SYNGR1: variants seen among roughly 807,000 people sequenced by gnomAD.
The protein encoded by SYNGR1 is synaptogyrin 1.
A neutral mutation model predicts 26.1 loss-of-function variants in SYNGR1; 14 were observed. The ratio of observed to expected loss-of-function variants is 0.54; its 90% CI spans 0.35 to 0.84. The LOEUF is 0.84. SYNGR1 is among the 40% of genes least tolerant of loss of function. The pLI, the probability that SYNGR1 is intolerant of heterozygous loss-of-function variation, is 0.01. For missense variants in SYNGR1, 319 were observed against 332.9 expected (o/e 0.96, Z 0.33); for synonymous variants, 141 against 150.1 (o/e 0.94, Z 0.44).
chr22:39,362,347 C>T (rs369763328), intron 1 of SYNGR1, among the ~76,000 whole-genome samples: 43 of 152,152 alleles, frequency 2.8e-4, no homozygotes, highest in Admixed American at 9.8e-4. Context: ...GCACTCGGGG[C>T]GACAGCTTGC....
chr22:39,377,450 G>C, intron 3 of SYNGR1: 1 of 1,513,336 alleles, frequency 6.6e-7, no homozygotes, highest in Non-Finnish European at 8.8e-7. Context: ...TTTAGGGGCG[G>C]GGCTCACAGA....
intron 1 of SYNGR1, 49 bp from the exon 2 acceptor site, chr22:39,374,267 G>T: frequency 6.3e-7 from 1 of 1,581,122 alleles, no homozygotes; most frequent in Non-Finnish European, 8.7e-7. Flanking sequence ...CCTGGGTGGT[G>T]TGAGGCAGGG....
At chr22:39,358,487 ACACT>A (rs1569175167) in intron 1 of SYNGR1, among the ~76,000 whole-genome samples, 1 of 152,158 alleles carries the variant, frequency 6.6e-6, no homozygotes, top group East Asian at 1.9e-4. Context: ...ATGAGCTGTA[ACACT>A]CACCGCGAAG....
At position 39,377,157 on chromosome 22, in the gene SYNGR1, C is replaced by T. The variant is rs914697517; in HGVS notation, c.483+960C>T. The T allele has an allele frequency of 1.7e-5, 25 of 1,476,048 alleles. No individual in the cohort carries two copies. In the African/African-American group the frequency reaches 2.3e-4, roughly 13 times the overall value. The allele number at this position is 1,476,048 out of a possible 1,614,324, so 91.4% of individuals were successfully genotyped here. ...TTGAGGCTACATACAGGCCGCCAGCCGTCCCTGTTTCCCCCATCCTTCTGG... is the reference window on the plus strand; with the variant it reads ...TTGAGGCTACATACAGGCCGCCAGCTGTCCCTGTTTCCCCCATCCTTCTGG... On this transcript the variant is annotated intron_variant, in intron 3 of 3. Transcript: ENST00000328933.
rs147094204 is a variant in SYNGR1, at chr22:39,364,960, GA to G, written c.100-9349del. ...TCGGGATTGGATTTTAAAGAGGGCG[GA>G]AAAAAACCAAAGAGGCTTGGCAGGT... On this transcript the variant is annotated intron_variant, in intron 1 of 3. Transcript: ENST00000328933. 6.8e-3 allele frequency among the ~76,000 whole-genome samples: 1,041 copies of G among 152,238 alleles called. 19 individuals are homozygous for G. The highest frequency in any genetic ancestry group is 0.024 in the African/African-American group (1,001 of 41,542).
chr22:39,358,044 G>A (rs1924256731), intron 1 of SYNGR1, among the ~76,000 whole-genome samples: 1 of 152,272 alleles, frequency 6.6e-6, no homozygotes, highest in African/African-American at 2.4e-5. Flanking sequence ...GATCCACTAG[G>A]TGAAGCCAGC....
In SYNGR1 at chr22:39,383,818, CAG is replaced by C. The variant is rs796590930; in HGVS notation, c.*1906_*1907del. 11 of 152,400 alleles carry C rather than the reference CAG, an allele frequency of 7.2e-5. No homozygotes were observed. Among genetic ancestry groups the C allele is most frequent in the African/African-American group, 2.4e-4 (10 of 41,548 alleles). The allele number at this position is 152,400 out of a possible 1,614,324, so 9.4% of individuals were successfully genotyped here. On this transcript the variant is annotated 3_prime_UTR_variant, in exon 4 of 4. Coordinates refer to ENST00000328933, the MANE Select transcript of SYNGR1 (RefSeq NM_004711.5). ...AAGTAGCACCATTATCCCCATTTAA[CAG>C]AAGGGAAACTGAGGCTCGGCAAGCA...
Position 39,350,141 on chromosome 22 carries a change from G to A in SYNGR1, c.99+32G>A. 7.3e-7 allele frequency: 1 copy of A among 1,372,696 alleles called. No individual in the cohort carries two copies. 85.0% of individuals were successfully genotyped at this position (1,372,696 alleles called of 1,614,324 possible). On this transcript the variant is annotated intron_variant, in intron 1 of 3. Transcript: ENST00000328933. This position sits in a 1 kb window ranked among gnomAD's most constrained non-coding sequence, Gnocchi z 4.3. ...ACGGACTGGCCGACGGCTCTGCCAG[G>A]CCGGGGTGGTGGGGGTGTGAGCAAA...
chr22:39,365,227 C>T (rs1419298625), intron 1 of SYNGR1, among the ~76,000 whole-genome samples: 1 of 152,112 alleles, frequency 6.6e-6, no homozygotes, highest in Non-Finnish European at 1.5e-5. Flanking sequence ...GTTTCATTTC[C>T]GGTTCTCCAG....
chr22:39,354,684 CA>C (rs1365526022), intron 1 of SYNGR1, among the ~76,000 whole-genome samples: 7 of 152,034 alleles, frequency 4.6e-5, no homozygotes, highest in Non-Finnish European at 1.0e-4. Context: ...TACTAAAATA[CA>C]AAAATTAGCT....
At chr22:39,381,577 T>C in intron 3 of SYNGR1, 119 bp from the exon 4 acceptor site, 1 of 1,037,680 alleles carries the variant, frequency 9.6e-7, no homozygotes, top group Non-Finnish European at 1.5e-6. Flanking sequence ...TTTGAGGATC[T>C]TTAACCCTCT....
intron 3 of SYNGR1, chr22:39,377,173 A>G (rs1006308357): frequency 2.1e-6 from 3 of 1,460,860 alleles, no homozygotes; most frequent in African/African-American, 1.4e-5. Flanking sequence ...TGTTTCCCCC[A>G]TCCTTCTGGT....
In SYNGR1 at chr22:39,378,146, C is replaced by T. The variant is rs142262899; in HGVS notation, c.483+1949C>T. The T allele has an allele frequency of 1.4e-3, 1,602 of 1,146,010 alleles. 26 individuals carry two copies. The African/African-American group carries it at 0.024, about 17-fold the overall frequency. 71.0% of individuals were successfully genotyped at this position (1,146,010 alleles called of 1,614,324 possible). ...CACAGCGGTGTGAAGAGTGACCTCA[C>T]TGTCCTTAGGGTTAGCATCCTGGCC... On this transcript the variant is annotated intron_variant, in intron 3 of 3. Transcript: ENST00000328933.
intron 1 of SYNGR1, chr22:39,364,292 G>A (rs769563265): frequency 6.2e-7 from 1 of 1,612,746 alleles, no homozygotes; most frequent in Non-Finnish European, 8.5e-7. Context: ...AGGCCCGGAT[G>A]TGAGGCAGGT....
At chr22:39,375,811 C>A in intron 2 of SYNGR1, 1 of 639,522 alleles carries the variant, frequency 1.6e-6, no homozygotes, top group Non-Finnish European at 2.9e-6. Context: ...TGGCCCTGAC[C>A]CTGCCCTGTC....
intron 1 of SYNGR1, among the ~76,000 whole-genome samples, chr22:39,366,462 A>G (rs1044370750): frequency 1.9e-4 from 29 of 151,694 alleles, no homozygotes; most frequent in Admixed American, 1.8e-3. Flanking sequence ...CCTGGCCAAC[A>G]TGGTGAAACC....
At chr22:39,361,945 T>C (rs1601654590) in intron 1 of SYNGR1, among the ~76,000 whole-genome samples, 1 of 151,490 alleles carries the variant, frequency 6.6e-6, no homozygotes, top group African/African-American at 2.4e-5. Context: ...CAGATACTTC[T>C]GCCACTGAGA....
In SYNGR1 at chr22:39,375,843, T is replaced by C. The variant is rs1393993126; in HGVS notation, c.338-209T>C. 7.3e-6 allele frequency: 5 copies of C among 686,226 alleles called. No homozygotes were observed. The Admixed American group carries it at 1.1e-4, about 15-fold the overall frequency. 42.5% of individuals were successfully genotyped at this position (686,226 alleles called of 1,614,324 possible). ...TGTCTGTGGCCTCCTCCCCCCTGCA[T>C]CTGGCTGGCTTCCCTCTTCTCGCCT... On this transcript the variant is annotated intron_variant, in intron 2 of 3. Transcript: ENST00000328933.
chr22:39,380,616 CTT>C (rs58877789), intron 3 of SYNGR1, among the ~76,000 whole-genome samples: 7 of 69,968 alleles, frequency 1.0e-4, no homozygotes, highest in South Asian at 4.5e-4. Flanking sequence ...CCAAGCTGGC[CTT>C]TTTTTTTTTT....
Sources: gnomAD v4.1 joint callset for allele counts (sites outside exome capture counted in the v4.1 genomes callset) on GRCh38, gnomAD v4.1.1 for gene constraint, Gnocchi (gnomAD v3.1) non-coding constraint, MANE v1.5 for transcripts, NCBI Gene and HGNC (gene_info 2026-07-23, HGNC 2026-07-21) for gene names.